Variants in SGCD observed in about 807,000 individuals in gnomAD.
SGCD encodes delta-sarcoglycan.
SGCD carries 18 observed loss-of-function variants against 36.6 expected under a neutral mutation model. That is an observed-to-expected ratio of 0.49 (90% CI 0.34 to 0.73). SGCD has a LOEUF of 0.73. Ranked by LOEUF, SGCD falls within the 30% of genes least tolerant of loss-of-function variation. The pLI is 0.01. For synonymous variants in SGCD, 133 were observed against 130.6 expected, an observed-to-expected ratio of 1.02 and a Z score of -0.12; for missense variants, 387 against 346.7, an observed-to-expected ratio of 1.12 and a Z score of -0.92.
intron 1 of SGCD, among the ~76,000 whole-genome samples, chr5:156,116,124 A>G (rs1356396917): frequency 1.3e-5 from 2 of 152,058 alleles, no homozygotes; most frequent in East Asian, 3.8e-4. Context: ...TCAGTATTTG[A>G]TTATAGACCA....
chr5:155,901,237 G>A (rs758442382), intron 1 of SGCD, among the ~76,000 whole-genome samples: 6 of 151,648 alleles, frequency 4.0e-5, no homozygotes, highest in East Asian at 1.9e-4. Context: ...GCTTGAACCC[G>A]GGAGGCGGAG....
chr5:156,052,477 C>T (rs1325306676), intron 1 of SGCD, among the ~76,000 whole-genome samples: 1 of 146,278 alleles, frequency 6.8e-6, no homozygotes, highest in African/African-American at 2.5e-5. Flanking sequence ...TAAAAGATTA[C>T]TCTGGGTATT....
chr5:156,003,386 C>T (rs2127568573), intron 1 of SGCD, among the ~76,000 whole-genome samples: 1 of 152,298 alleles, frequency 6.6e-6, no homozygotes, highest in South Asian at 2.1e-4. Context: ...GAAGTGTGAA[C>T]AATGGTTTAG....
chr5:156,522,194 G>C (rs59184478), intron 4 of SGCD, among the ~76,000 whole-genome samples: 5,730 of 152,072 alleles, frequency 0.038, 255 homozygotes, highest in African/African-American at 0.1. Flanking sequence ...GGCCTGTCAG[G>C]GGGTGGGGGG....
chr5:156,340,948 G>A (rs1768619739), intron 2 of SGCD, among the ~76,000 whole-genome samples: 1 of 152,100 alleles, frequency 6.6e-6, no homozygotes, highest in African/African-American at 2.4e-5. Context: ...CCATATGTTT[G>A]CATGGAAAGG....
chr5:156,445,226 G>A (rs989568980), intron 3 of SGCD, among the ~76,000 whole-genome samples: 16 of 152,226 alleles, frequency 1.1e-4, no homozygotes, highest in African/African-American at 3.6e-4. Context: ...GTCGATGAGT[G>A]TGTGTATACA....
chr5:155,950,810 C>A (rs182973482), intron 1 of SGCD, among the ~76,000 whole-genome samples: 1 of 152,278 alleles, frequency 6.6e-6, no homozygotes, highest in African/African-American at 2.4e-5. Flanking sequence ...CCACTTGATA[C>A]TCTTCAAATA....
At chr5:156,378,830 A>C (rs1770818140) in intron 3 of SGCD, among the ~76,000 whole-genome samples, 1 of 152,190 alleles carries the variant, frequency 6.6e-6, no homozygotes, top group Non-Finnish European at 1.5e-5. Context: ...TGTGGACAAA[A>C]TGTATAGAGT....
chr5:156,514,121 G>A (rs1045819447), intron 4 of SGCD, among the ~76,000 whole-genome samples: 7 of 152,174 alleles, frequency 4.6e-5, no homozygotes, highest in African/African-American at 9.6e-5. Flanking sequence ...TAGATAGAAC[G>A]AATGAATGAG....
chr5:156,069,051 A>C (rs1760442423), intron 1 of SGCD, among the ~76,000 whole-genome samples: 1 of 151,986 alleles, frequency 6.6e-6, no homozygotes. Flanking sequence ...AGATTGCAAA[A>C]ATTTTCTCCC....
intron 7 of SGCD, among the ~76,000 whole-genome samples, chr5:156,679,349 T>C (rs1753635839): frequency 6.6e-6 from 1 of 152,236 alleles, no homozygotes; most frequent in African/African-American, 2.4e-5. Flanking sequence ...TTTACTTCCA[T>C]CTGTCAGAAA....
chr5:155,765,803 A>G, the SGCD span, among the ~76,000 whole-genome samples: 1 of 152,120 alleles, frequency 6.6e-6, no homozygotes, highest in Non-Finnish European at 1.5e-5. Flanking sequence ...CCTCCCCACC[A>G]CCATCAAATC....
intron 1 of SGCD, among the ~76,000 whole-genome samples, chr5:156,010,909 G>T (rs754488726): frequency 1.3e-5 from 2 of 152,074 alleles, no homozygotes; most frequent in African/African-American, 4.8e-5. Flanking sequence ...GATATATATT[G>T]TTATGGCTTG....
At chr5:156,526,804 T>C (rs192326193) in intron 4 of SGCD, among the ~76,000 whole-genome samples, 1 of 152,314 alleles carries the variant, frequency 6.6e-6, no homozygotes, top group East Asian at 1.9e-4. Flanking sequence ...TGTCAGTTTA[T>C]TCGGGAAAAC....
At chr5:156,337,340 A>G (rs1285598437) in intron 2 of SGCD, among the ~76,000 whole-genome samples, 1 of 152,222 alleles carries the variant, frequency 6.6e-6, no homozygotes, top group Non-Finnish European at 1.5e-5. Flanking sequence ...CAAGAAAAAT[A>G]AAAACTTACT....
intron 3 of SGCD, among the ~76,000 whole-genome samples, chr5:156,140,915 C>T (rs568116458): frequency 6.6e-6 from 1 of 152,274 alleles, no homozygotes; most frequent in Non-Finnish European, 1.5e-5. Flanking sequence ...ACTTCCATCA[C>T]ATGCCAAGAG....
At chr5:156,604,178 T>C (rs1427440204) in intron 6 of SGCD, among the ~76,000 whole-genome samples, 1 of 152,010 alleles carries the variant, frequency 6.6e-6, no homozygotes, top group Non-Finnish European at 1.5e-5. Flanking sequence ...GTTTTTGACT[T>C]AAAGTCTACT....
chr5:155,781,509 T>C, the SGCD span, among the ~76,000 whole-genome samples: 1 of 152,210 alleles, frequency 6.6e-6, no homozygotes, highest in Non-Finnish European at 1.5e-5. Context: ...TCACTGTGGC[T>C]GGTGTGCAGT....
At chr5:156,214,620 A>T (rs1014523941) in intron 3 of SGCD, among the ~76,000 whole-genome samples, 1 of 152,106 alleles carries the variant, frequency 6.6e-6, no homozygotes, top group African/African-American at 2.4e-5. Context: ...ATGGAACCAC[A>T]AAAGACTTTA....
Sources: gnomAD v4.1 joint callset for allele counts (sites outside exome capture counted in the v4.1 genomes callset) on GRCh38, gnomAD v4.1.1 for gene constraint, MANE v1.5 for transcripts, NCBI Gene and HGNC (gene_info 2026-07-23, HGNC 2026-07-21) for gene names.